TTC39C: variants seen among roughly 807,000 people sequenced by gnomAD.
TTC39C encodes tetratricopeptide repeat protein 39C.
Under a neutral mutation model 76.3 loss-of-function variants are expected in TTC39C, and 33 were observed. The observed-to-expected ratio is 0.43, with a 90% confidence interval of 0.33 to 0.58. The LOEUF is 0.58. TTC39C is among the 20% of genes least tolerant of loss of function. TTC39C has a pLI of 0.04. For missense variants in TTC39C, 595 were observed against 701.4 expected, an observed-to-expected ratio of 0.85 and a Z score of 1.71; for synonymous variants, 254 against 260.6, an observed-to-expected ratio of 0.97 and a Z score of 0.24.
At chr18:24,088,096 G>T (rs1389673944) in intron 6 of TTC39C, among the ~76,000 whole-genome samples, 1 of 152,166 alleles carries the variant, frequency 6.6e-6, no homozygotes, top group Non-Finnish European at 1.5e-5. Context: ...CAAAGAAGAA[G>T]TTGTAAAAAT....
At position 24,123,823 on chromosome 18, in the gene TTC39C, G is replaced by A; in HGVS notation, c.1187-11G>A. ...CTTGTACTTAAGAAATATAATTATG[G>A]TTTCTTACAGTTTGTCAGGGAGCCA... On this transcript the variant is annotated splice_polypyrimidine_tract_variant and intron_variant, in intron 8 of 13. Coordinates refer to ENST00000317571, the MANE Select transcript of TTC39C (RefSeq NM_001135993.2). The A allele has an allele frequency of 6.3e-7, 1 of 1,589,846 alleles. No homozygotes were observed. The highest frequency in any genetic ancestry group is 1.4e-5 in the African/African-American group (1 of 73,402).
intron 1 of TTC39C, among the ~76,000 whole-genome samples, chr18:24,001,276 G>A (rs1466931954): frequency 6.6e-6 from 1 of 152,146 alleles, no homozygotes. Context: ...CCAGGCCCCA[G>A]GTCAACCTGG....
intron 1 of TTC39C, among the ~76,000 whole-genome samples, chr18:24,028,636 AT>A (rs1186973031): frequency 1.3e-5 from 2 of 152,234 alleles, no homozygotes; most frequent in Admixed American, 6.5e-5. Context: ...TTCACACAAA[AT>A]GTTATTATGA....
At chr18:24,003,557 A>G (rs2083329676) in intron 1 of TTC39C, among the ~76,000 whole-genome samples, 1 of 152,214 alleles carries the variant, frequency 6.6e-6, no homozygotes, top group Non-Finnish European at 1.5e-5. Flanking sequence ...CTGATGAATC[A>G]TAAGTCATAT....
Position 23,997,927 on chromosome 18 carries a change from G to A in TTC39C, c.-17+4889G>A, listed in dbSNP as rs545525574. ...AATTGGTTTAGAGAAGAGTTGCCTT[G>A]AGCCAATTTGGGGCATAGAAATGTG... On this transcript the variant is annotated intron_variant, in intron 1 of 13. Coordinates refer to the TTC39C transcript ENST00000304621. Among the ~76,000 whole-genome samples, 16 of 152,020 alleles carry A rather than the reference G, an allele frequency of 1.1e-4. No individual in the cohort carries two copies. In the South Asian group the frequency reaches 3.3e-3, roughly 32 times the overall value.
chr18:24,123,509 C>G, intron 8 of TTC39C: 1 of 185,708 alleles, frequency 5.4e-6, no homozygotes, highest in South Asian at 1.3e-4. Context: ...TAAGTTCAAG[C>G]GATTCTCCTG....
intron 1 of TTC39C, among the ~76,000 whole-genome samples, chr18:24,026,901 A>G: frequency 6.6e-6 from 1 of 152,258 alleles, no homozygotes; most frequent in Non-Finnish European, 1.5e-5. Context: ...CTTGCAAATG[A>G]AACTCTTTGG....
At chr18:24,067,309 T>G (rs1482909348) in intron 3 of TTC39C, among the ~76,000 whole-genome samples, 1 of 152,192 alleles carries the variant, frequency 6.6e-6, no homozygotes, top group Non-Finnish European at 1.5e-5. Context: ...CTACTCTCCA[T>G]CCTCACTGCC....
chr18:24,101,610 G>A (rs2084676978), intron 6 of TTC39C, among the ~76,000 whole-genome samples: 1 of 151,314 alleles, frequency 6.6e-6, no homozygotes, highest in Admixed American at 6.6e-5. Context: ...ACCTTTTACA[G>A]AGAGTGTCAT....
chr18:24,011,375 C>T (rs750295415), upstream of TTC39C, among the ~76,000 whole-genome samples: 6 of 152,212 alleles, frequency 3.9e-5, no homozygotes, highest in Non-Finnish European at 5.9e-5. Flanking sequence ...AGAAGCAATG[C>T]CTTCCCGCTG....
intron 11 of TTC39C, among the ~76,000 whole-genome samples, chr18:24,129,679 C>T (rs890943246): frequency 6.6e-6 from 1 of 150,406 alleles, no homozygotes; most frequent in Non-Finnish European, 1.5e-5. Context: ...GAGGCTGAGG[C>T]ACGAGAATTG....
rs118087420 is a variant in TTC39C at position 24,064,534 on chromosome 18, G to A, written c.216+346G>A. On this transcript the variant is annotated intron_variant, in intron 2 of 13. Coordinates refer to ENST00000317571, the MANE Select transcript of TTC39C (RefSeq NM_001135993.2). ...TTTGCTCTGAAATTATTGAGTAAAT[G>A]TGGACTAGAAGTCAAGTTAAATGAG... 4.1e-3 allele frequency among the ~76,000 whole-genome samples: 617 copies of A among 152,312 alleles called. 1 individual carries two copies. Among genetic ancestry groups the A allele is most frequent in the Middle Eastern group, 0.02 (6 of 294 alleles).
intron 6 of TTC39C, among the ~76,000 whole-genome samples, chr18:24,098,003 A>G (rs2145784735): frequency 6.6e-6 from 1 of 152,244 alleles, no homozygotes; most frequent in Non-Finnish European, 1.5e-5. Context: ...TTCTATGACC[A>G]TTTTGAAGAC....
chr18:24,107,897 G>C (rs1366840378), intron 6 of TTC39C, among the ~76,000 whole-genome samples: 1 of 142,178 alleles, frequency 7.0e-6, no homozygotes, highest in African/African-American at 2.5e-5. Context: ...TAGGGGGGGG[G>C]GTACAGGCAT....
intron 5 of TTC39C, among the ~76,000 whole-genome samples, chr18:24,082,634 G>C (rs117639800): frequency 6.6e-6 from 1 of 152,112 alleles, no homozygotes; most frequent in African/African-American, 2.4e-5. Flanking sequence ...TCTCTTCAGC[G>C]ATCCATCTAG....
At chr18:24,052,285 A>T (rs16940445) in intron 1 of TTC39C, among the ~76,000 whole-genome samples, 24,294 of 152,102 alleles carry the variant, frequency 0.16, 2,192 homozygotes, top group East Asian at 0.25. Context: ...TAGTTGCCAA[A>T]CTGGACCGTG....
chr18:24,003,366 GA>G (rs2083328215), intron 1 of TTC39C, among the ~76,000 whole-genome samples: 1 of 152,290 alleles, frequency 6.6e-6, no homozygotes, highest in Admixed American at 6.5e-5. Context: ...TACATTAAAA[GA>G]TCTGTCAGTG....
intron 9 of TTC39C, 62 bp downstream of exon 9, chr18:24,124,005 C>T: frequency 8.0e-7 from 1 of 1,252,980 alleles, no homozygotes; most frequent in Non-Finnish European, 1.1e-6. Flanking sequence ...CCAACACTGC[C>T]TTGGCAAGCT....
intron 1 of TTC39C, among the ~76,000 whole-genome samples, chr18:24,028,026 G>A (rs995902149): frequency 4.6e-5 from 7 of 152,152 alleles, no homozygotes; most frequent in East Asian, 1.9e-4. Context: ...TGTCAACCAC[G>A]TGGATCCCAA....
Sources: gnomAD v4.1 joint callset for allele counts (sites outside exome capture counted in the v4.1 genomes callset) on GRCh38, gnomAD v4.1.1 for gene constraint, MANE v1.5 for transcripts, NCBI Gene and HGNC (gene_info 2026-07-23, HGNC 2026-07-21) for gene names.